PLEKHA6: variants seen among roughly 807,000 people sequenced by gnomAD.
PLEKHA6 encodes the protein pleckstrin homology domain-containing family A member 6.
In PLEKHA6, 60 loss-of-function variants were observed where a neutral mutation model predicts 116.7. The ratio of observed to expected loss-of-function variants is 0.51; its 90% CI spans 0.42 to 0.64. The LOEUF (loss-of-function observed/expected upper bound fraction) is 0.64. PLEKHA6 is among the 30% of genes least tolerant of loss of function. The pLI is 0.00. For synonymous variants in PLEKHA6, 489 were observed against 556.1 expected (o/e 0.88, Z 1.70); for missense variants, 1,338 against 1,422.7 (o/e 0.94, Z 0.96).
At chr1:204,322,776 C>G (rs1007464696) in intron 1 of PLEKHA6, among the ~76,000 whole-genome samples, 1 of 152,218 alleles carries the variant, frequency 6.6e-6, no homozygotes, top group African/African-American at 2.4e-5. Context: ...CCAATTGTAG[C>G]TACTGCCCAT....
At chr1:204,375,880 G>A (rs185308560) in intron 1 of PLEKHA6, among the ~76,000 whole-genome samples, 27 of 151,480 alleles carry the variant, frequency 1.8e-4, no homozygotes, top group Admixed American at 5.3e-4. Flanking sequence ...GCCCCCACTG[G>A]TGCCTTTATT....
chr1:204,348,370 G>A (rs768422147), intron 1 of PLEKHA6, among the ~76,000 whole-genome samples: 1 of 151,988 alleles, frequency 6.6e-6, no homozygotes, highest in African/African-American at 2.4e-5. Flanking sequence ...AAGAGAATAC[G>A]CCCAAACAGC....
intron 15 of PLEKHA6, among the ~76,000 whole-genome samples, chr1:204,244,529 C>T (rs1013769880): frequency 1.3e-5 from 2 of 152,124 alleles, no homozygotes; most frequent in African/African-American, 2.4e-5. Context: ...GAAACTGCTC[C>T]CCACACTGAC....
chr1:204,363,289 G>C (rs1673594625), upstream of PLEKHA6, among the ~76,000 whole-genome samples: 1 of 152,260 alleles, frequency 6.6e-6, no homozygotes, highest in African/African-American at 2.4e-5. Flanking sequence ...CTGGGCTTCT[G>C]ATCTCTGCCT....
chr1:204,377,418 G>A (rs1016708611), intron 1 of PLEKHA6, among the ~76,000 whole-genome samples: 4 of 152,308 alleles, frequency 2.6e-5, no homozygotes, highest in South Asian at 2.1e-4. Context: ...AGGAAAAGGC[G>A]GGAGACACAT....
At chr1:204,375,307 T>C (rs538564050) in intron 1 of PLEKHA6, among the ~76,000 whole-genome samples, 153 of 152,254 alleles carry the variant, frequency 1.0e-3, no homozygotes, top group African/African-American at 1.5e-3. Context: ...GAACCTCAAC[T>C]GCAGTGTTTC....
At chr1:204,365,911 C>T (rs1023381889) in intron 3 of PLEKHA6, among the ~76,000 whole-genome samples, 3 of 152,070 alleles carry the variant, frequency 2.0e-5, no homozygotes, top group Non-Finnish European at 4.4e-5. Context: ...AGCAGTCAGG[C>T]ATGGCCTCTC....
At position 204,265,022 on chromosome 1, in the gene PLEKHA6, G is replaced by T. The variant is rs555909068; in HGVS notation, c.301C>A (p.Leu101Met). 4 of 1,613,604 alleles carry T rather than the reference G, an allele frequency of 2.5e-6. No individual in the cohort carries two copies. Among genetic ancestry groups the T allele is most frequent in the Non-Finnish European group, 3.4e-6 (4 of 1,179,614 alleles). ...AAGCTCAGGAGGGGGATGCTGCCCA[G>T]GATACTCTCTTCCTTCTCATCTGTC... ...YYKDEKEESI[L>M]GSIPLLSFRV... The change falls in exon 6 of 23, where the codon CTG (leucine) becomes ATG (methionine). Residue 101 changes from leucine (L) to methionine (M), a missense_variant. By Grantham distance (15) the Leu-to-Met change is conservative. Coordinates refer to ENST00000272203, the MANE Select transcript of PLEKHA6 (RefSeq NM_014935.5).
At chr1:204,297,768 T>G in intron 1 of PLEKHA6, 1 of 415,872 alleles carries the variant, frequency 2.4e-6, no homozygotes, top group Non-Finnish European at 3.2e-6. Context: ...ACATCGGAAC[T>G]GAAATTCAGT....
chr1:204,370,482 A>G (rs567646908), intron 2 of PLEKHA6, among the ~76,000 whole-genome samples: 2 of 152,368 alleles, frequency 1.3e-5, no homozygotes, highest in South Asian at 4.1e-4. Flanking sequence ...TGGTGGCGTC[A>G]TGAGGAGGAT....
intron 3 of PLEKHA6, among the ~76,000 whole-genome samples, chr1:204,269,229 C>G (rs1667177044): frequency 6.6e-6 from 1 of 151,052 alleles, no homozygotes. Flanking sequence ...CCCAGCTCCT[C>G]AATTCTTGTC....
At chr1:204,298,243 A>G (rs192921307) in intron 1 of PLEKHA6, among the ~76,000 whole-genome samples, 38 of 152,352 alleles carry the variant, frequency 2.5e-4, no homozygotes, top group African/African-American at 8.9e-4. Context: ...GGTGGGCCTG[A>G]GTCTTCCTTG....
intron 1 of PLEKHA6, among the ~76,000 whole-genome samples, chr1:204,288,943 G>A (rs1288616568): frequency 1.3e-5 from 2 of 152,198 alleles, no homozygotes; most frequent in Non-Finnish European, 2.9e-5. Context: ...GGAGGATACA[G>A]ACGGAAGGTG....
At chr1:204,233,747 C>T (rs1049442033) in intron 17 of PLEKHA6, among the ~76,000 whole-genome samples, 1 of 152,050 alleles carries the variant, frequency 6.6e-6, no homozygotes, top group Non-Finnish European at 1.5e-5. Context: ...CTGCACCTGG[C>T]CAATTAATTT....
In PLEKHA6 at chr1:204,257,447, G is replaced by A; in HGVS notation, c.1430C>T (p.Pro477Leu). The A allele has an allele frequency of 6.4e-7, 1 of 1,569,438 alleles. No individual in the cohort carries two copies. Among genetic ancestry groups the A allele is most frequent in the Non-Finnish European group, 8.6e-7 (1 of 1,156,092 alleles). The stretch of plus-strand genomic sequence containing the variant: ...TGGCAGCCGCTCAAAACGGGCACTG[G>A]GTGAGCGGACAGGGGAGTAAATGCG... ...RARIYSPVRS[P>L]SARFERLPPR... The change falls in exon 9 of 23, where the codon CCC becomes CTC. Residue 477 changes from proline (P) to leucine (L), a missense_variant. Around this residue, in one of 3 missense-constraint regions of PLEKHA6, gnomAD observed 1,136 missense variants for 1,163.6 expected, o/e 0.98. Transcript: ENST00000272203. The surrounding 1 kb of genome is among the most constrained non-coding windows in gnomAD (Gnocchi z 6.5).
intron 1 of PLEKHA6, among the ~76,000 whole-genome samples, chr1:204,341,568 T>C (rs983395687): frequency 1.3e-5 from 2 of 152,192 alleles, no homozygotes; most frequent in African/African-American, 2.4e-5. Context: ...AATGAGCTTC[T>C]AAGGGTGCAC....
At chr1:204,312,349 G>C (rs1003175582) in intron 1 of PLEKHA6, among the ~76,000 whole-genome samples, 2 of 152,180 alleles carry the variant, frequency 1.3e-5, no homozygotes, top group African/African-American at 2.4e-5. Flanking sequence ...CCACCCTCTG[G>C]GGGTGTTCAG....
At chr1:204,333,502 G>T (rs1323502246) in intron 1 of PLEKHA6, among the ~76,000 whole-genome samples, 1 of 152,150 alleles carries the variant, frequency 6.6e-6, no homozygotes, top group African/African-American at 2.4e-5. Context: ...ATTTTTCATT[G>T]CAGCTTCACA....
Position 204,259,946 on chromosome 1 carries a change from C to T in PLEKHA6, c.525-206G>A, listed in dbSNP as rs761630659. ...TGGGAAATTATTATACAACCTAATC[C>T]GCCCCTGCCCACACCTGCTGTGTTA... is the stretch of plus-strand genomic sequence containing the variant. On this transcript the variant is annotated intron_variant, in intron 7 of 22. Transcript: ENST00000272203. This position sits in a 1 kb window ranked among gnomAD's most constrained non-coding sequence, Gnocchi z 4.6. Among the ~76,000 whole-genome samples the T allele has an allele frequency of 1.3e-5, 2 of 152,104 alleles. No individual in the cohort carries two copies.
Sources: gnomAD v4.1 joint callset for allele counts (sites outside exome capture counted in the v4.1 genomes callset) on GRCh38, gnomAD v4.1.1 for gene constraint, gnomAD v4.1.1 regional missense constraint, Gnocchi (gnomAD v3.1) non-coding constraint, MANE v1.5 for transcripts, NCBI Gene and HGNC (gene_info 2026-07-23, HGNC 2026-07-21) for gene names.